The following TACC2 variants were observed in gnomAD, a reference collection of about 807,000 sequenced individuals.
TACC2 encodes transforming acidic coiled-coil-containing protein 2.
TACC2 carries 137 observed loss-of-function variants against 227.3 expected under a neutral mutation model. The ratio of observed to expected loss-of-function variants is 0.60; its 90% CI spans 0.52 to 0.69. The LOEUF (loss-of-function observed/expected upper bound fraction) is 0.69, where lower values mean the gene tolerates loss of function less well. Among genes scored for constraint, TACC2 ranks in the 30% least tolerant of loss-of-function variants. The pLI, the probability that TACC2 is intolerant of heterozygous loss-of-function variation, is 0.00. For missense variants in TACC2, 3,470 were observed against 3,694.4 expected (o/e 0.94, Z 1.57); for synonymous variants, 1,523 against 1,487.5 (o/e 1.02, Z -0.55).
At chr10:122,125,549 C>A (rs2086672970) in intron 5 of TACC2, among the ~76,000 whole-genome samples, 1 of 152,108 alleles carries the variant, frequency 6.6e-6, no homozygotes, top group East Asian at 1.9e-4. Context: ...GTCCCTCAAT[C>A]TGTGTCACCT....
intron 2 of TACC2, among the ~76,000 whole-genome samples, chr10:122,036,178 C>A (rs1446755987): frequency 6.7e-6 from 1 of 150,362 alleles, no homozygotes; most frequent in African/African-American, 2.5e-5. Flanking sequence ...GTATAGACCA[C>A]ATTTTGCTAA....
chr10:122,231,387 G>C (rs2141459794), intron 16 of TACC2, among the ~76,000 whole-genome samples: 1 of 152,268 alleles, frequency 6.6e-6, no homozygotes, highest in Non-Finnish European at 1.5e-5. Context: ...ACCTCTTCGA[G>C]CCTTAGTATT....
chr10:122,058,326 G>C (rs1422240720), intron 3 of TACC2, among the ~76,000 whole-genome samples: 1 of 152,106 alleles, frequency 6.6e-6, no homozygotes, highest in African/African-American at 2.4e-5. Context: ...CCTGCTTCCG[G>C]CTTCCGCTGC....
At chr10:122,174,632 G>T (rs1472219468) in intron 7 of TACC2, among the ~76,000 whole-genome samples, 1 of 152,076 alleles carries the variant, frequency 6.6e-6, no homozygotes, top group Non-Finnish European at 1.5e-5. Flanking sequence ...AAATTCCATT[G>T]TAGAATGGCT....
At chr10:122,226,294 C>A in intron 12 of TACC2, 72 bp from the exon 13 acceptor site, 2 of 980,256 alleles carry the variant, frequency 2.0e-6, no homozygotes, top group Non-Finnish European at 3.2e-6. Flanking sequence ...TTGAAGAGTG[C>A]TCCAGTTTTC....
chr10:122,085,194 A>C lies in TACC2; in HGVS notation c.2694A>C (p.Gly898=). 6.2e-7 allele frequency: 1 copy of C among 1,614,026 alleles called. No homozygotes were observed. Residue 898 remains glycine, a synonymous_variant, in exon 4 of 23, where the codon GGA becomes GGC. Coordinates refer to ENST00000369005, the MANE Select transcript of TACC2 (RefSeq NM_206862.4). ...PTHGGQEQAL[G]SELQSQLPKG... The stretch of plus-strand genomic sequence containing the variant: ...ATGGAGGACAGGAGCAGGCTTTGGG[A>C]TCAGAACTTCAAAGTCAGCTCCCCA...
At chr10:122,156,626 T>G (rs2092500440) in intron 7 of TACC2, among the ~76,000 whole-genome samples, 1 of 152,224 alleles carries the variant, frequency 6.6e-6, no homozygotes, top group Admixed American at 6.5e-5. Context: ...CTGGCTGAGT[T>G]TCTCTTCTTC....
At chr10:122,019,251 G>A (rs944475490) in intron 1 of TACC2, among the ~76,000 whole-genome samples, 5 of 152,202 alleles carry the variant, frequency 3.3e-5, no homozygotes, top group African/African-American at 9.7e-5. Context: ...CTCAAGCCAC[G>A]CCTGGGTAAG....
At chr10:122,136,786 T>C (rs2089754691) in intron 6 of TACC2, among the ~76,000 whole-genome samples, 1 of 152,052 alleles carries the variant, frequency 6.6e-6, no homozygotes, top group African/African-American at 2.4e-5. Flanking sequence ...ACTCCTGACC[T>C]CAGGTGATCT....
chr10:122,019,745 G>C (rs577911376), intron 1 of TACC2: 1 of 152,296 alleles, frequency 6.6e-6, no homozygotes, highest in Non-Finnish European at 1.5e-5. Flanking sequence ...GTGCGAGGGC[G>C]GAGACGCGCT....
chr10:122,239,097 G>A (rs2095924712), intron 18 of TACC2, among the ~76,000 whole-genome samples: 1 of 151,860 alleles, frequency 6.6e-6, no homozygotes, highest in African/African-American at 2.4e-5. Flanking sequence ...TCCGCCTCCC[G>A]GGTTCAAGTG....
intron 3 of TACC2, among the ~76,000 whole-genome samples, chr10:122,076,130 G>A (rs767646582): frequency 1.8e-4 from 27 of 152,156 alleles, no homozygotes; most frequent in Non-Finnish European, 3.1e-4. Flanking sequence ...AGGCTGAGAA[G>A]TCCAAGGGCA....
intron 1 of TACC2, among the ~76,000 whole-genome samples, chr10:121,998,182 G>A (rs919169138): frequency 2.0e-4 from 31 of 151,928 alleles, no homozygotes; most frequent in Admixed American, 1.2e-3. Context: ...TGTGGTGGCA[G>A]GCGCCTGTAG....
intron 7 of TACC2, among the ~76,000 whole-genome samples, chr10:122,178,981 A>G (rs2093859018): frequency 6.6e-6 from 1 of 152,252 alleles, no homozygotes; most frequent in Non-Finnish European, 1.5e-5. Context: ...GAACATTGAG[A>G]TAATGGAAAA....
chr10:121,991,462 T>C (rs1402667874), intron 1 of TACC2, among the ~76,000 whole-genome samples: 1 of 152,256 alleles, frequency 6.6e-6, no homozygotes, highest in Non-Finnish European at 1.5e-5. Flanking sequence ...AAAATAACAT[T>C]AATCAAACCT....
intron 5 of TACC2, 82 bp from the exon 6 acceptor site, chr10:122,132,527 T>C (rs2088520677): frequency 6.4e-7 from 1 of 1,557,860 alleles, no homozygotes; most frequent in Non-Finnish European, 8.8e-7. Context: ...CCAGCCTGGA[T>C]AAGAAAAGCG....
chr10:122,120,958 G>C (rs1015175922), intron 5 of TACC2, among the ~76,000 whole-genome samples: 2 of 152,128 alleles, frequency 1.3e-5, no homozygotes, highest in African/African-American at 2.4e-5. Flanking sequence ...TACAGAGGGG[G>C]TTTCGCCTTG....
In TACC2 at chr10:122,084,737, AG is replaced by A; in HGVS notation, c.2238del (p.Met747TrpfsTer10). On this transcript the variant is annotated frameshift_variant, in exon 4 of 23. Coordinates refer to ENST00000369005, the MANE Select transcript of TACC2 (RefSeq NM_206862.4). LOFTEE classifies it high-confidence loss of function. ...GGTGAGAGCACATTGGAAATAAGGAAGATGGGCAGCTGTGATGGGGAGGGCT... is the reference window on the plus strand; with the variant it reads ...GGTGAGAGCACATTGGAAATAAGGAAATGGGCAGCTGTGATGGGGAGGGCT... ...QEGESTLEIRKMGSCDGEGLL... is the reference protein window; with the variant it reads ...QEGESTLEIRXMGSCDGEGLL... The A allele has an allele frequency of 1.2e-6, 2 of 1,613,662 alleles. No individual in the cohort carries two copies. Among genetic ancestry groups the A allele is most frequent in the Non-Finnish European group, 1.7e-6 (2 of 1,180,022 alleles).
intron 7 of TACC2, among the ~76,000 whole-genome samples, chr10:122,184,753 A>G (rs1206146315): frequency 6.6e-6 from 1 of 152,182 alleles, no homozygotes; most frequent in African/African-American, 2.4e-5. Context: ...GTTTATATAT[A>G]ATTATCTGAA....
Sources: allele counts gnomAD v4.1 joint callset (sites outside exome capture counted in the v4.1 genomes callset), GRCh38; gene constraint gnomAD v4.1.1; transcripts MANE v1.5; gene names NCBI Gene and HGNC (gene_info 2026-07-23, HGNC 2026-07-21).